ARNT: variants seen among roughly 807,000 people sequenced by gnomAD.
ARNT encodes aryl hydrocarbon receptor nuclear translocator, also known as class E basic helix-loop-helix protein 2.
A neutral mutation model predicts 105.0 loss-of-function variants in ARNT; 30 were observed. That is an observed-to-expected ratio of 0.29 (90% confidence interval 0.21 to 0.39). The LOEUF (loss-of-function observed/expected upper bound fraction) is 0.39, where lower values mean the gene tolerates loss of function less well. Ranked by LOEUF, ARNT falls within the 10% of genes least tolerant of loss-of-function variation. The probability of loss-of-function intolerance (pLI) is 1.00; values close to 1 mark genes in which losing one functional copy is unlikely to be tolerated. For synonymous variants in ARNT, 304 were observed against 344.0 expected, an observed-to-expected ratio of 0.88 and a Z score of 1.29; for missense variants, 748 against 978.7, an observed-to-expected ratio of 0.76 and a Z score of 3.15.
chr1:150,831,594 ACAG>A (rs1300508873), intron 10 of ARNT: 1 of 487,466 alleles, frequency 2.1e-6, no homozygotes, highest in Non-Finnish European at 3.6e-6. Flanking sequence ...ATTCTGTGAC[ACAG>A]CCAATACTGA....
chr1:150,837,015 G>A (rs1489966984), intron 6 of ARNT, among the ~76,000 whole-genome samples: 1 of 151,748 alleles, frequency 6.6e-6, no homozygotes, highest in Non-Finnish European at 1.5e-5. Context: ...GCAGTGAGCC[G>A]AGATCATACC....
chr1:150,859,744 G>A (rs587676807), intron 1 of ARNT, among the ~76,000 whole-genome samples: 44 of 152,180 alleles, frequency 2.9e-4, no homozygotes, highest in African/African-American at 1.0e-3. Context: ...GCACAGTGGC[G>A]GATGCCTGGA....
intron 13 of ARNT, among the ~76,000 whole-genome samples, chr1:150,825,581 TGGCTCATG>T (rs1272361146): frequency 9.2e-5 from 14 of 152,146 alleles, no homozygotes; most frequent in African/African-American, 3.4e-4. Flanking sequence ...CTGGGCGCAA[TGGCTCATG>T]CCTGTAATCC....
intron 1 of ARNT, among the ~76,000 whole-genome samples, chr1:150,861,898 A>G (rs1665707785): frequency 6.6e-6 from 1 of 152,216 alleles, no homozygotes; most frequent in African/African-American, 2.4e-5. Flanking sequence ...GTAGAATTTA[A>G]GTTAGATTAT....
intron 3 of ARNT, among the ~76,000 whole-genome samples, chr1:150,850,138 A>G (rs1434976861): frequency 2.0e-5 from 3 of 152,176 alleles, no homozygotes; most frequent in Non-Finnish European, 2.9e-5. Flanking sequence ...CTGTAATCCC[A>G]GCACTTTGGG....
chr1:150,829,975 A>C lies in ARNT; in HGVS notation c.961T>G (p.Ser321Ala). The change falls in exon 11 of 22, where the codon TCC (serine) becomes GCC (alanine). Residue 321 changes from serine (S) to alanine (A), a missense_variant. Transcript: ENST00000358595. ...YIKAWPPAGV[S>A]LPDDDPEAGQ... ...GCCTCTGGGTCATCATCTGGGAGGG[A>C]AACACCTTCAGAAACGTGACGTTAA... 1 of 1,614,232 alleles carries C rather than the reference A, an allele frequency of 6.2e-7. No individual in the cohort carries two copies. The highest frequency in any genetic ancestry group is 8.5e-7 in the Non-Finnish European group (1 of 1,180,032).
chr1:150,849,348 T>C (rs183089365), intron 3 of ARNT, among the ~76,000 whole-genome samples: 11 of 152,304 alleles, frequency 7.2e-5, no homozygotes, highest in Admixed American at 2.0e-4. Context: ...TTTTCAACTC[T>C]GGAAAGAAAA....
intron 1 of ARNT, among the ~76,000 whole-genome samples, chr1:150,872,906 G>T (rs2102507456): frequency 6.6e-6 from 1 of 152,218 alleles, no homozygotes; most frequent in Non-Finnish European, 1.5e-5. Context: ...AGGCTGCAGT[G>T]AGCCATGATT....
chr1:150,876,590 G>A lies in ARNT; in HGVS notation c.-23C>T, dbSNP rs1571578814. On this transcript the variant is annotated 5_prime_UTR_variant, in exon 1 of 22. Coordinates refer to ENST00000358595, the MANE Select transcript of ARNT (RefSeq NM_001668.4). ...CATGGCCGCAGATGCCACCGCCGCC[G>A]CGCCACCCCCCCCCCCAGTGGGAGG... 6.9e-7 allele frequency: 1 copy of A among 1,440,640 alleles called. No individual in the cohort carries two copies. 89.2% of individuals were successfully genotyped at this position (1,440,640 alleles called of 1,614,324 possible).
chr1:150,854,353 T>C (rs1489732334), intron 2 of ARNT, among the ~76,000 whole-genome samples: 1 of 150,096 alleles, frequency 6.7e-6, no homozygotes, highest in East Asian at 2.0e-4. Flanking sequence ...AACTCAGGAG[T>C]TTAAGACCAG....
chr1:150,826,738 G>C (rs1658370558), intron 12 of ARNT, 121 bp from the exon 13 acceptor site: 2 of 626,264 alleles, frequency 3.2e-6, no homozygotes, highest in Non-Finnish European at 5.6e-6. Flanking sequence ...TCCACCTCCT[G>C]AGTTCAAGCA....
rs1334535200 is a variant in ARNT, at chr1:150,839,436, G to C, written c.486+5C>G. The C allele has an allele frequency of 1.9e-6, 3 of 1,614,152 alleles. No individual in the cohort carries two copies. Among genetic ancestry groups the C allele is most frequent in the Non-Finnish European group, 8.5e-7 (1 of 1,180,008 alleles). ...GACTCTCTCAGAACTATAAGTCCCA[G>C]AGACCTGATCAGTGAGGAAAGACGG... On this transcript the variant is annotated splice_donor_5th_base_variant and intron_variant, in intron 6 of 21. Coordinates refer to ENST00000358595, the MANE Select transcript of ARNT (RefSeq NM_001668.4).
chr1:150,819,265 G>A (rs964643871), intron 14 of ARNT, among the ~76,000 whole-genome samples: 14 of 152,098 alleles, frequency 9.2e-5, no homozygotes, highest in Non-Finnish European at 2.1e-4. Flanking sequence ...ACAAGGATGT[G>A]GAGGAATCAG....
intron 1 of ARNT, chr1:150,861,271 T>C: frequency 2.3e-6 from 1 of 430,400 alleles, no homozygotes; most frequent in Non-Finnish European, 4.6e-6. Flanking sequence ...ACTCGGGGTC[T>C]GAGGCAGGAG....
intron 7 of ARNT, among the ~76,000 whole-genome samples, chr1:150,836,069 A>G (rs1222084900): frequency 6.6e-6 from 1 of 152,192 alleles, no homozygotes; most frequent in Non-Finnish European, 1.5e-5. Flanking sequence ...TAAATGTAAA[A>G]TATTATCACC....
intron 1 of ARNT, among the ~76,000 whole-genome samples, chr1:150,862,355 C>G (rs376169622): frequency 2.6e-5 from 4 of 152,144 alleles, no homozygotes; most frequent in African/African-American, 9.6e-5. Flanking sequence ...CAATTTAAAG[C>G]CTCATCCACT....
chr1:150,819,337 G>A (rs2101647477), intron 14 of ARNT, among the ~76,000 whole-genome samples: 1 of 152,148 alleles, frequency 6.6e-6, no homozygotes, highest in African/African-American at 2.4e-5. Flanking sequence ...TTCCTCAAAA[G>A]GTAAAACAGA....
intron 1 of ARNT, among the ~76,000 whole-genome samples, chr1:150,863,179 C>T (rs959443031): frequency 1.2e-4 from 18 of 151,178 alleles, no homozygotes; most frequent in African/African-American, 3.6e-4. Flanking sequence ...CTGACCAACA[C>T]GGCAAAATCC....
At chr1:150,818,064 G>T (rs1427375578) in intron 14 of ARNT, 34 bp from the exon 15 acceptor site, 1 of 1,461,922 alleles carries the variant, frequency 6.8e-7, no homozygotes, top group Non-Finnish European at 9.5e-7. Flanking sequence ...AAGAGGGGGT[G>T]GAGAGGGAGG....
Sources: gnomAD v4.1 joint callset for allele counts (sites outside exome capture counted in the v4.1 genomes callset) on GRCh38, gnomAD v4.1.1 for gene constraint, MANE v1.5 for transcripts, NCBI Gene and HGNC (gene_info 2026-07-23, HGNC 2026-07-21) for gene names.